Variants in DRC1 observed in about 807,000 individuals in gnomAD.
DRC1 encodes dynein regulatory complex subunit 1.
DRC1 carries 74 observed loss-of-function variants against 98.7 expected under a neutral mutation model. The observed-to-expected ratio is 0.75, with a 90% CI of 0.62 to 0.91. The LOEUF is 0.91. DRC1 is among the 40% of genes least tolerant of loss of function. The pLI, the probability that DRC1 is intolerant of heterozygous loss-of-function variation, is 0.00. For missense variants in DRC1, 875 were observed against 886.0 expected, an observed-to-expected ratio of 0.99 and a Z score of 0.16; for synonymous variants, 336 against 334.1, an observed-to-expected ratio of 1.01 and a Z score of -0.06.
chr2:26,407,451 T>C (rs1678463534), intron 1 of DRC1, among the ~76,000 whole-genome samples: 1 of 152,114 alleles, frequency 6.6e-6, no homozygotes, highest in Non-Finnish European at 1.5e-5. Flanking sequence ...ATTTAAAAAA[T>C]CCTATGGCCC....
intron 8 of DRC1, among the ~76,000 whole-genome samples, chr2:26,441,766 G>A (rs1034042109): frequency 6.6e-6 from 1 of 152,162 alleles, no homozygotes; most frequent in Admixed American, 6.5e-5. Flanking sequence ...TGGGTTTGAT[G>A]CGTGTGGCTG....
At chr2:26,450,140 C>T (rs962449737) in intron 12 of DRC1, 55 bp downstream of exon 12, 1 of 1,539,312 alleles carries the variant, frequency 6.5e-7, no homozygotes, top group Non-Finnish European at 8.8e-7. Context: ...GCCGTGTTCT[C>T]AGATGGCCCT....
At position 26,448,675 on chromosome 2, in the gene DRC1, C is replaced by T. The variant is rs530623682; in HGVS notation, c.1397-16C>T. 153 of 1,612,956 alleles carry T rather than the reference C, an allele frequency of 9.5e-5. 1 individual carries two copies. The South Asian group carries it at 1.4e-3, about 14-fold the overall frequency. Reference sequence around the variant, plus strand: ...CTTCTTTTTCTTTCTCTCTCCTCCCCATGACCCAACTGCAGAAGAGGAGGA... The same window carrying T: ...CTTCTTTTTCTTTCTCTCTCCTCCCTATGACCCAACTGCAGAAGAGGAGGA... On this transcript the variant is annotated splice_polypyrimidine_tract_variant and intron_variant, in intron 10 of 16. Transcript: ENST00000288710.
chr2:26,414,458 T>G, intron 2 of DRC1, 27 bp downstream of exon 2: 1 of 1,605,234 alleles, frequency 6.2e-7, no homozygotes, highest in Non-Finnish European at 8.5e-7. Flanking sequence ...AGATGGGCTC[T>G]GGAAGACCAG....
At chr2:26,411,350 A>T (rs977275462) in intron 1 of DRC1, among the ~76,000 whole-genome samples, 1 of 152,214 alleles carries the variant, frequency 6.6e-6, no homozygotes, top group Non-Finnish European at 1.5e-5. Context: ...ATATGCAATC[A>T]GTGTAAATCA....
chr2:26,439,854 C>T (rs901777659), intron 7 of DRC1, among the ~76,000 whole-genome samples: 3 of 146,966 alleles, frequency 2.0e-5, no homozygotes, highest in African/African-American at 7.5e-5. Context: ...GCACTTGTCC[C>T]TAAGGTTCCT....
chr2:26,445,949 C>A (rs560083765), intron 10 of DRC1, among the ~76,000 whole-genome samples: 1 of 152,108 alleles, frequency 6.6e-6, no homozygotes. Flanking sequence ...TGAGCCACCA[C>A]GCTTGGCTAG....
intron 5 of DRC1, 87 bp from the exon 6 acceptor site, chr2:26,430,699 A>T (rs1284253831): frequency 7.4e-7 from 1 of 1,359,194 alleles, no homozygotes; most frequent in Non-Finnish European, 1.1e-6. Flanking sequence ...GTGATATGGC[A>T]CTTATAGTTA....
At chr2:26,449,863 C>T in intron 11 of DRC1, 133 bp from the exon 12 acceptor site, 1 of 749,448 alleles carries the variant, frequency 1.3e-6, no homozygotes, top group Non-Finnish European at 2.1e-6. Flanking sequence ...CTGGGGCCCA[C>T]TGCTGGCTCC....
chr2:26,401,930 A>G lies in DRC1; in HGVS notation c.-60A>G, dbSNP rs1011405475. 3.9e-6 allele frequency: 6 copies of G among 1,523,574 alleles called. No homozygotes were observed. Among genetic ancestry groups the G allele is most frequent in the Non-Finnish European group, 5.3e-6 (6 of 1,131,626 alleles). The allele number at this position is 1,523,574 out of a possible 1,614,324, so 94.4% of individuals were successfully genotyped here. On this transcript the variant is annotated 5_prime_UTR_variant, in exon 1 of 17. Coordinates refer to ENST00000288710, the MANE Select transcript of DRC1 (RefSeq NM_145038.5). Reference sequence around the variant, plus strand: ...CCCTGGCAACGGTTTGTTCCTAGCAACCAGCCTGAGGTCTGGAGGTGGTGC... The same window carrying G: ...CCCTGGCAACGGTTTGTTCCTAGCAGCCAGCCTGAGGTCTGGAGGTGGTGC...
At chr2:26,437,533 G>C in intron 7 of DRC1, among the ~76,000 whole-genome samples, 1 of 152,166 alleles carries the variant, frequency 6.6e-6, no homozygotes, top group South Asian at 2.1e-4. Flanking sequence ...TGCACCCATG[G>C]CCAGTGGGAG....
intron 4 of DRC1, among the ~76,000 whole-genome samples, 162 bp from the exon 5 acceptor site, chr2:26,429,466 A>G (rs1162959347): frequency 6.6e-6 from 1 of 152,036 alleles, no homozygotes; most frequent in Non-Finnish European, 1.5e-5. Context: ...TCAGCCTCCC[A>G]AAGTGCTGAG....
At chr2:26,431,845 A>T in intron 6 of DRC1, 39 bp from the exon 7 acceptor site, 1 of 1,611,086 alleles carries the variant, frequency 6.2e-7, no homozygotes, top group Non-Finnish European at 8.5e-7. Context: ...TGGGGCAAGG[A>T]TGGTCCCTAA....
At chr2:26,443,464 C>T (rs559888002) in intron 8 of DRC1, among the ~76,000 whole-genome samples, 16 of 152,224 alleles carry the variant, frequency 1.1e-4, no homozygotes, top group Admixed American at 9.8e-4. Context: ...AATTTTGGAC[C>T]ACCCCCTCCC....
Position 26,444,803 on chromosome 2 carries a change from T to C in DRC1, c.1251T>C (p.Phe417=). The change falls in exon 10 of 17, where the codon TTT becomes TTC. Residue 417 remains phenylalanine (F), a synonymous_variant. Transcript: ENST00000288710. ...EEAKDLIARA[F]DVDRIIHTHH... is the part of the protein sequence containing the mutation. ...CGAAGGACCTAATAGCCAGAGCCTTTGATGTGGACAGGATCATCCACACCC... is the reference window on the plus strand; with the variant it reads ...CGAAGGACCTAATAGCCAGAGCCTTCGATGTGGACAGGATCATCCACACCC... The C allele has an allele frequency of 6.2e-7, 1 of 1,614,186 alleles. No individual in the cohort carries two copies. Among genetic ancestry groups the C allele is most frequent in the Admixed American group, 1.7e-5 (1 of 60,028 alleles).
intron 7 of DRC1, among the ~76,000 whole-genome samples, chr2:26,436,782 T>C (rs1206046671): frequency 6.6e-6 from 1 of 152,172 alleles, no homozygotes; most frequent in Non-Finnish European, 1.5e-5. Context: ...GGATAGGGGA[T>C]TATTGCAAGG....
At chr2:26,446,791 A>G (rs181943830) in intron 10 of DRC1, among the ~76,000 whole-genome samples, 123 of 152,270 alleles carry the variant, frequency 8.1e-4, no homozygotes, top group Non-Finnish European at 1.3e-4. Context: ...ACAGATTGCT[A>G]TATTTTAAAG....
At chr2:26,413,345 C>T (rs1678682596) in intron 1 of DRC1, among the ~76,000 whole-genome samples, 1 of 152,112 alleles carries the variant, frequency 6.6e-6, no homozygotes, top group Non-Finnish European at 1.5e-5. Flanking sequence ...CTTGTAAAGG[C>T]TTTCTGTAAA....
intron 1 of DRC1, among the ~76,000 whole-genome samples, chr2:26,406,606 G>A (rs1678435638): frequency 6.6e-6 from 1 of 152,098 alleles, no homozygotes; most frequent in Non-Finnish European, 1.5e-5. Context: ...AGCTACTCAG[G>A]AGACTGAGGC....
Sources: allele counts gnomAD v4.1 joint callset (sites outside exome capture counted in the v4.1 genomes callset), GRCh38; gene constraint gnomAD v4.1.1; transcripts MANE v1.5; gene names NCBI Gene and HGNC (gene_info 2026-07-23, HGNC 2026-07-21).